The following IL1RAPL1 variants were observed in gnomAD, a reference collection of about 807,000 sequenced individuals.
The protein encoded by IL1RAPL1 is interleukin-1 receptor accessory protein-like 1.
A neutral mutation model predicts 48.4 loss-of-function variants in IL1RAPL1; 3 were observed. The observed-to-expected ratio is 0.06, with a 90% CI of 0.03 to 0.16. The LOEUF (loss-of-function observed/expected upper bound fraction) is 0.16. Among genes scored for constraint, IL1RAPL1 ranks in the 10% least tolerant of loss-of-function variants. IL1RAPL1 has a pLI of 1.00. For synonymous variants in IL1RAPL1, 185 were observed against 187.7 expected, an observed-to-expected ratio of 0.99 and a Z score of 0.12; for missense variants, 349 against 530.6, an observed-to-expected ratio of 0.66 and a Z score of 3.36.
At chrX:29,422,329 C>T (rs1417037935) in intron 5 of IL1RAPL1, among the ~76,000 whole-genome samples, 3 of 110,585 alleles carry the variant, frequency 2.7e-5, no homozygotes, top group East Asian at 2.8e-4. Context: ...CATTTGCGGG[C>T]GGGGAGAGGG....
chrX:28,616,479 G>A (rs1934219512), intron 1 of IL1RAPL1, among the ~76,000 whole-genome samples: 1 of 108,416 alleles, frequency 9.2e-6, no homozygotes, highest in African/African-American at 3.4e-5. Context: ...TGTCACCCGG[G>A]CTGGAGTGCA....
intron 2 of IL1RAPL1, among the ~76,000 whole-genome samples, chrX:28,790,906 C>A (rs886710346): frequency 9.0e-6 from 1 of 111,394 alleles, no homozygotes; most frequent in East Asian, 2.8e-4. Context: ...TTTTACAACA[C>A]TGATGTTTTC....
chrX:29,597,176 T>C (rs1305778932), intron 5 of IL1RAPL1, among the ~76,000 whole-genome samples: 4 of 91,016 alleles, frequency 4.4e-5, no homozygotes, highest in African/African-American at 1.7e-4. Flanking sequence ...TTTTTGAGAC[T>C]GAGTTTTGCT....
At chrX:28,984,892 G>C (rs1332775002) in intron 2 of IL1RAPL1, among the ~76,000 whole-genome samples, 1 of 111,984 alleles carries the variant, frequency 8.9e-6, no homozygotes, top group African/African-American at 3.2e-5. Context: ...GAGGCCTCTA[G>C]AGTTTAAGAA....
At chrX:29,802,750 T>TAC (rs1458159672) in intron 6 of IL1RAPL1, among the ~76,000 whole-genome samples, 2 of 14,594 alleles carry the variant, frequency 1.4e-4, no homozygotes, top group Non-Finnish European at 2.2e-4. Flanking sequence ...GAAAAAATTA[T>TAC]ATATATATAT....
At chrX:29,525,917 G>A in intron 5 of IL1RAPL1, among the ~76,000 whole-genome samples, 1 of 112,141 alleles carries the variant, frequency 8.9e-6, no homozygotes, top group Middle Eastern at 4.7e-3. Flanking sequence ...CAGCAGAAAT[G>A]AAGGTGCCAT....
chrX:28,619,423 C>A (rs944135293), intron 1 of IL1RAPL1, among the ~76,000 whole-genome samples: 16 of 108,514 alleles, frequency 1.5e-4, no homozygotes, highest in Non-Finnish European at 2.9e-4. Context: ...GGTGAAACCC[C>A]ATCTCTACAA....
At chrX:28,950,806 T>G (rs1924438661) in intron 2 of IL1RAPL1, among the ~76,000 whole-genome samples, 1 of 107,599 alleles carries the variant, frequency 9.3e-6, no homozygotes, top group African/African-American at 3.4e-5. Flanking sequence ...CATGCTGCTA[T>G]AAAGACACAT....
rs1569173449 is a variant in IL1RAPL1, at chrX:29,803,026, C to CATATATACATATGTGTACATATAT, written c.779-114436_779-114435insATATACATATGTGTACATATATAT. Among the ~76,000 whole-genome samples the CATATATACATATGTGTACATATAT allele has an allele frequency of 1.4e-3, 65 of 45,186 alleles. 3 individuals carry two copies. The highest frequency in any genetic ancestry group is 3.9e-3 in the African/African-American group (39 of 9,888). 39.2% of individuals were successfully genotyped at this position (45,186 alleles called of 115,157 possible). The stretch of plus-strand genomic sequence containing the variant: ...GCATATATACATATGTGTACATATA[C>CATATATACATATGTGTACATATAT]ATGTATGCATATATACATATATGTG... On this transcript the variant is annotated intron_variant, in intron 6 of 10. Coordinates refer to ENST00000378993, the MANE Select transcript of IL1RAPL1 (RefSeq NM_014271.4).
intron 6 of IL1RAPL1, among the ~76,000 whole-genome samples, chrX:29,906,285 A>G (rs1932614743): frequency 9.7e-6 from 1 of 102,754 alleles, no homozygotes; most frequent in Non-Finnish European, 2.0e-5. Flanking sequence ...CAGTGAGCCC[A>G]GATCGCGCCA....
Position 29,376,785 on chromosome X carries a change from T to C in IL1RAPL1, c.363-19473T>C, listed in dbSNP as rs763747046. Among the ~76,000 whole-genome samples the C allele has an allele frequency of 1.2e-4, 13 of 112,397 alleles. No homozygotes were observed. The East Asian group carries it at 3.6e-3, about 31-fold the overall frequency. Reference sequence around the variant, plus strand: ...TTGTTTTGAATTTACTGAGACTTGCTTTATGACTAAGCATGTGGTTTATCT... The same window carrying C: ...TTGTTTTGAATTTACTGAGACTTGCCTTATGACTAAGCATGTGGTTTATCT... On this transcript the variant is annotated intron_variant, in intron 3 of 10. Coordinates refer to ENST00000378993, the MANE Select transcript of IL1RAPL1 (RefSeq NM_014271.4).
intron 3 of IL1RAPL1, among the ~76,000 whole-genome samples, chrX:29,300,881 GA>G (rs1047641957): frequency 1.8e-5 from 2 of 111,546 alleles, no homozygotes; most frequent in African/African-American, 6.5e-5. Context: ...AGGTGAATAT[GA>G]CAGCTCTCTC....
intron 1 of IL1RAPL1, among the ~76,000 whole-genome samples, chrX:28,662,083 T>A (rs1934829364): frequency 3.6e-5 from 4 of 111,176 alleles, no homozygotes; most frequent in South Asian, 7.6e-4. Flanking sequence ...AACCTTTTTT[T>A]TTTAGATGGT....
rs1188605977 is a variant in IL1RAPL1, at chrX:29,948,834, C to CA, written c.1202-5677dup. Among the ~76,000 whole-genome samples the CA allele has an allele frequency of 2.1e-3, 79 of 38,430 alleles. No individual in the cohort carries two copies. In the East Asian group the frequency reaches 0.034, roughly 17 times the overall value. 33.4% of individuals were successfully genotyped at this position (38,430 alleles called of 115,157 possible). ...TATGTGATTCATATATACTTGAGAA[C>CA]AAAAAAAAAAAGAAAAAAAAAAAAG... On this transcript the variant is annotated intron_variant, in intron 9 of 10. Transcript: ENST00000378993.
chrX:28,779,835 A>T (rs1406450561), intron 1 of IL1RAPL1, among the ~76,000 whole-genome samples: 3 of 107,504 alleles, frequency 2.8e-5, no homozygotes, highest in Non-Finnish European at 3.9e-5. Flanking sequence ...AAGAAATTAA[A>T]ACTTGACTTT....
chrX:28,875,479 T>A (rs897982194), intron 2 of IL1RAPL1, among the ~76,000 whole-genome samples: 2 of 112,298 alleles, frequency 1.8e-5, no homozygotes, highest in African/African-American at 6.5e-5. Flanking sequence ...AAGATGTGTT[T>A]GCATTTAGCT....
At chrX:29,737,106 T>G in intron 6 of IL1RAPL1, among the ~76,000 whole-genome samples, 1 of 112,328 alleles carries the variant, frequency 8.9e-6, no homozygotes, top group South Asian at 3.7e-4. Context: ...ATAAAAATCA[T>G]GTTATATTAA....
chrX:29,537,501 T>C (rs1015232828), intron 5 of IL1RAPL1, among the ~76,000 whole-genome samples: 12 of 109,041 alleles, frequency 1.1e-4, no homozygotes, highest in Admixed American at 2.0e-4. Flanking sequence ...ATAACAAGCA[T>C]ACAAGATCTC....
At chrX:29,380,437 G>A (rs7350331) in intron 3 of IL1RAPL1, among the ~76,000 whole-genome samples, 1 of 111,601 alleles carries the variant, frequency 9.0e-6, no homozygotes, top group African/African-American at 3.3e-5. Context: ...ATGTTGGTCA[G>A]GCTGGTCTCG....
Sources: gnomAD v4.1 joint callset for allele counts (sites outside exome capture counted in the v4.1 genomes callset) on GRCh38, gnomAD v4.1.1 for gene constraint, MANE v1.5 for transcripts, NCBI Gene and HGNC (gene_info 2026-07-23, HGNC 2026-07-21) for gene names.